KCNQ2: variants seen among roughly 807,000 people sequenced by gnomAD.
KCNQ2 encodes potassium voltage-gated channel subfamily Q member 2, also known as potassium voltage-gated channel subfamily KQT member 2.
Under a neutral mutation model 84.8 loss-of-function variants are expected in KCNQ2, and 14 were observed. The ratio of observed to expected loss-of-function variants is 0.17; its 90% CI spans 0.11 to 0.26. KCNQ2 has a LOEUF of 0.26. Among genes scored for constraint, KCNQ2 ranks in the 10% least tolerant of loss-of-function variants. KCNQ2 has a pLI of 1.00. For missense variants in KCNQ2, 788 were observed against 1,254.0 expected, an observed-to-expected ratio of 0.63 and a Z score of 5.61; for synonymous variants, 599 against 554.1, an observed-to-expected ratio of 1.08 and a Z score of -1.14.
intron 11 of KCNQ2, chr20:63,422,193 A>C (rs1253811280): frequency 6.5e-6 from 1 of 153,234 alleles, no homozygotes; most frequent in East Asian, 1.9e-4. Context: ...GCTCCCCATC[A>C]AGCTTCGCAG....
At chr20:63,443,022 CCATCACAT>C (rs2081264980) in intron 4 of KCNQ2, among the ~76,000 whole-genome samples, 4 of 61,308 alleles carry the variant, frequency 6.5e-5, no homozygotes, top group African/African-American at 1.2e-4. Context: ...ATCACCACCA[CCATCACAT>C]CACCACCACC....
chr20:63,448,749 G>T (rs1039356336), intron 1 of KCNQ2, among the ~76,000 whole-genome samples: 1 of 152,168 alleles, frequency 6.6e-6, no homozygotes, highest in East Asian at 1.9e-4. Flanking sequence ...CACAGGCACG[G>T]GCATCCTGGG....
chr20:63,406,935 G>T lies in KCNQ2; in HGVS notation c.2328C>A (p.Pro776=). Reference sequence around the variant, plus strand: ...CGCTGTCCCGCAGGTTCCCCTCGGGGGGCCTGCAGCCCGGGGTGTCCTCCT... The same window carrying T: ...CGCTGTCCCGCAGGTTCCCCTCGGGTGGCCTGCAGCCCGGGGTGTCCTCCT... The part of the protein sequence containing the change: ...LRQEDTPGCR[P]PEGNLRDSDT... Residue 776 remains proline, a synonymous_variant, in exon 17 of 17, where the codon CCC becomes CCA. Transcript: ENST00000359125. 6.3e-7 allele frequency: 1 copy of T among 1,598,844 alleles called. No homozygotes were observed. The highest frequency in any genetic ancestry group is 1.7e-5 in the Admixed American group (1 of 58,886).
chr20:63,470,999 C>T (rs1225303071), intron 1 of KCNQ2: 1 of 152,278 alleles, frequency 6.6e-6, no homozygotes. Flanking sequence ...CCTCTGGGAT[C>T]TTCTCCCTAC....
At chr20:63,415,974 G>A (rs965596929) in intron 12 of KCNQ2, among the ~76,000 whole-genome samples, 2 of 152,128 alleles carry the variant, frequency 1.3e-5, no homozygotes, top group Non-Finnish European at 2.9e-5. Context: ...GCCACACTCC[G>A]GCCTTTCCAC....
chr20:63,469,565 C>T (rs1486097232), intron 1 of KCNQ2, among the ~76,000 whole-genome samples: 3 of 152,256 alleles, frequency 2.0e-5, no homozygotes, highest in Non-Finnish European at 4.4e-5. Context: ...CCGGGTCCAA[C>T]AGGGATGCCC....
At chr20:63,469,979 C>T (rs1205053362) in intron 1 of KCNQ2, among the ~76,000 whole-genome samples, 5 of 152,210 alleles carry the variant, frequency 3.3e-5, no homozygotes, top group Admixed American at 6.5e-5. Context: ...GGCACTGGGC[C>T]GGCCTGGAAG....
intron 7 of KCNQ2, chr20:63,434,761 C>G (rs759454893): frequency 6.6e-6 from 1 of 152,272 alleles, no homozygotes; most frequent in Non-Finnish European, 1.5e-5. Flanking sequence ...CCATCCGCGT[C>G]GTAGCAAGGG....
chr20:63,433,445 C>G, intron 8 of KCNQ2: 1 of 473,658 alleles, frequency 2.1e-6, no homozygotes, highest in Non-Finnish European at 3.8e-6. Context: ...AGCTTGGGCA[C>G]CTCGAGCTGC....
At chr20:63,435,143 A>C (rs1309634820) in intron 7 of KCNQ2, among the ~76,000 whole-genome samples, 2 of 152,050 alleles carry the variant, frequency 1.3e-5, no homozygotes, top group Non-Finnish European at 2.9e-5. Context: ...GGCTCACAAC[A>C]CCTTGGAGGC....
chr20:63,453,869 C>A, intron 1 of KCNQ2, among the ~76,000 whole-genome samples: 1 of 151,914 alleles, frequency 6.6e-6, no homozygotes, highest in Non-Finnish European at 1.5e-5. Flanking sequence ...GACTTGAGAA[C>A]AGGGCGGGGT....
At chr20:63,451,810 C>T (rs1358266173) in intron 1 of KCNQ2, among the ~76,000 whole-genome samples, 1 of 152,200 alleles carries the variant, frequency 6.6e-6, no homozygotes, top group Non-Finnish European at 1.5e-5. Flanking sequence ...GTCCAGGCAG[C>T]CTGAGTCCTC....
intron 11 of KCNQ2, among the ~76,000 whole-genome samples, chr20:63,420,707 G>C (rs1179559943): frequency 6.6e-6 from 1 of 152,064 alleles, no homozygotes; most frequent in African/African-American, 2.4e-5. Flanking sequence ...CAGCCGCCCG[G>C]GTAGGCTGAG....
intron 1 of KCNQ2, among the ~76,000 whole-genome samples, chr20:63,452,259 C>G (rs2081635750): frequency 6.6e-6 from 1 of 152,240 alleles, no homozygotes; most frequent in Non-Finnish European, 1.5e-5. Context: ...CCACGTACAC[C>G]CCGAGGACGT....
At chr20:63,435,894 C>T (rs1459118608) in intron 7 of KCNQ2, among the ~76,000 whole-genome samples, 1 of 151,728 alleles carries the variant, frequency 6.6e-6, no homozygotes, top group Non-Finnish European at 1.5e-5. Flanking sequence ...GCTCATCTCT[C>T]GAGAGTCCCC....
intron 9 of KCNQ2, among the ~76,000 whole-genome samples, chr20:63,429,245 G>A (rs531239580): frequency 1.4e-5 from 2 of 141,972 alleles, no homozygotes; most frequent in South Asian, 2.4e-4. Flanking sequence ...GCTTCAGGAA[G>A]AGACACCCTC....
intron 1 of KCNQ2, 82 bp downstream of exon 1, chr20:63,472,086 G>A: frequency 9.2e-7 from 1 of 1,085,738 alleles, no homozygotes; most frequent in South Asian, 1.8e-5. Flanking sequence ...ACCCGCCGCA[G>A]CCAGCCTGGC....
intron 12 of KCNQ2, among the ~76,000 whole-genome samples, chr20:63,416,240 CTG>C (rs1041523682): frequency 6.6e-6 from 1 of 152,218 alleles, no homozygotes; most frequent in Non-Finnish European, 1.5e-5. Flanking sequence ...GGATTTGCAG[CTG>C]TGTCTGGCTG....
intron 10 of KCNQ2, among the ~76,000 whole-genome samples, chr20:63,426,954 C>CT (rs1326456769): frequency 6.6e-6 from 1 of 152,264 alleles, no homozygotes; most frequent in Non-Finnish European, 1.5e-5. Context: ...GGCACAGTGG[C>CT]TCACGCCTGT....
Sources: allele counts gnomAD v4.1 joint callset (sites outside exome capture counted in the v4.1 genomes callset), GRCh38; gene constraint gnomAD v4.1.1; transcripts MANE v1.5; gene names NCBI Gene and HGNC (gene_info 2026-07-23, HGNC 2026-07-21).